SHISA9: variants seen among roughly 807,000 people sequenced by gnomAD.
The protein encoded by SHISA9 is shisa family member 9, also known as protein shisa-9.
SHISA9 carries 13 observed loss-of-function variants against 38.0 expected under a neutral mutation model. That is an observed-to-expected ratio of 0.34 (90% confidence interval 0.22 to 0.54). The LOEUF is 0.54. SHISA9 is among the 20% of genes least tolerant of loss of function. SHISA9 has a pLI of 0.91. For missense variants in SHISA9, 538 were observed against 575.8 expected, an observed-to-expected ratio of 0.93 and a Z score of 0.67; for synonymous variants, 275 against 242.0, an observed-to-expected ratio of 1.14 and a Z score of -1.27.
chr16:13,170,216 A>G (rs865827665), intron 2 of SHISA9, among the ~76,000 whole-genome samples: 25 of 151,896 alleles, frequency 1.6e-4, no homozygotes, highest in East Asian at 1.9e-4. Context: ...AAAAAAAAAA[A>G]AAAAGAAAAG....
intron 2 of SHISA9, among the ~76,000 whole-genome samples, chr16:12,970,479 A>ATATACACATATATGTGTG (rs2072061029): frequency 5.1e-5 from 1 of 19,464 alleles, no homozygotes; most frequent in African/African-American, 1.9e-4. Context: ...GTATATATAT[A>ATATACACATATATGTGTG]TATATATATA....
chr16:13,371,487 G>C, the SHISA9 span, among the ~76,000 whole-genome samples: 1 of 152,160 alleles, frequency 6.6e-6, no homozygotes, highest in African/African-American at 2.4e-5. Context: ...GATGTGGGGT[G>C]GAGCCACTGA....
the SHISA9 span, among the ~76,000 whole-genome samples, chr16:13,481,999 T>C: frequency 1.3e-5 from 2 of 152,194 alleles, no homozygotes; most frequent in African/African-American, 4.8e-5. Context: ...TTTACATGCA[T>C]TCCTTCCTCC....
intron 2 of SHISA9, among the ~76,000 whole-genome samples, chr16:13,002,627 G>A (rs2072540105): frequency 6.6e-6 from 1 of 150,710 alleles, no homozygotes; most frequent in Non-Finnish European, 1.5e-5. Context: ...CCACCCCCTG[G>A]GCTCAAGCAA....
intron 1 of SHISA9, among the ~76,000 whole-genome samples, chr16:12,915,546 G>A (rs2071242548): frequency 6.6e-6 from 1 of 152,226 alleles, no homozygotes; most frequent in Non-Finnish European, 1.5e-5. Flanking sequence ...GGGGCTGATA[G>A]TCTGCTGGTT....
chr16:13,340,430 T>C, the SHISA9 span, among the ~76,000 whole-genome samples: 1 of 151,930 alleles, frequency 6.6e-6, no homozygotes, highest in South Asian at 2.1e-4. Context: ...TTCATCTGTT[T>C]TGAAAACTCC....
chr16:12,999,194 A>G (rs1379711566), intron 2 of SHISA9, among the ~76,000 whole-genome samples: 1 of 152,200 alleles, frequency 6.6e-6, no homozygotes, highest in Non-Finnish European at 1.5e-5. Flanking sequence ...TAGACTAGAC[A>G]GCTCTGCAGC....
chr16:13,420,798 C>G, the SHISA9 span, among the ~76,000 whole-genome samples: 2 of 152,162 alleles, frequency 1.3e-5, no homozygotes, highest in Non-Finnish European at 2.9e-5. Context: ...CACATTTCTT[C>G]TGCAGTGTCA....
chr16:12,940,022 A>C (rs1377662370), intron 2 of SHISA9, among the ~76,000 whole-genome samples: 1 of 152,050 alleles, frequency 6.6e-6, no homozygotes, highest in African/African-American at 2.4e-5. Flanking sequence ...ACGAATTCTT[A>C]CTCTGTAGGC....
At chr16:13,043,196 G>C (rs544818442) in intron 2 of SHISA9, among the ~76,000 whole-genome samples, 2 of 152,124 alleles carry the variant, frequency 1.3e-5, no homozygotes, top group African/African-American at 4.8e-5. Flanking sequence ...AGTAAGTGGT[G>C]GGGGGAATGG....
rs376989273 is a variant in SHISA9, at chr16:13,107,237, G to C, written c.692-96157G>C. Among the ~76,000 whole-genome samples the C allele has an allele frequency of 4.7e-4, 71 of 152,104 alleles. 1 individual carries two copies. Among genetic ancestry groups the C allele is most frequent in the South Asian group, 1.9e-3 (9 of 4,804 alleles). On this transcript the variant is annotated intron_variant, in intron 2 of 4. Coordinates refer to ENST00000558583, the MANE Select transcript of SHISA9 (RefSeq NM_001145204.3). ...ACCTGAGGTCAGTAGTTCAAGACCA[G>C]CCTGGCCAACATGGTGAAATCCCAT...
chr16:13,134,396 T>G (rs1319721180), intron 2 of SHISA9, among the ~76,000 whole-genome samples: 2 of 152,154 alleles, frequency 1.3e-5, no homozygotes, highest in Non-Finnish European at 2.9e-5. Flanking sequence ...CCTGACAATG[T>G]GCAAGGGACT....
chr16:13,434,498 A>T, the SHISA9 span, among the ~76,000 whole-genome samples: 4 of 147,004 alleles, frequency 2.7e-5, no homozygotes, highest in African/African-American at 1.0e-4. Flanking sequence ...GCTCACTGCA[A>T]GCTCCGCCTC....
At chr16:13,251,719 A>G in the SHISA9 span, among the ~76,000 whole-genome samples, 1 of 152,194 alleles carries the variant, frequency 6.6e-6, no homozygotes, top group East Asian at 1.9e-4. Flanking sequence ...CCTTTTCTTT[A>G]GGATACTTTC....
intron 2 of SHISA9, among the ~76,000 whole-genome samples, chr16:13,034,403 A>G (rs932849760): frequency 6.6e-6 from 1 of 152,166 alleles, no homozygotes; most frequent in Admixed American, 6.5e-5. Context: ...ACACCTTATG[A>G]AAGTCAGGTC....
the SHISA9 span, among the ~76,000 whole-genome samples, chr16:13,499,515 A>G: frequency 6.6e-6 from 1 of 152,238 alleles, no homozygotes; most frequent in Non-Finnish European, 1.5e-5. Context: ...AAAGCACTTC[A>G]AAAAGCCAGC....
At chr16:13,485,713 C>A in the SHISA9 span, among the ~76,000 whole-genome samples, 1 of 152,102 alleles carries the variant, frequency 6.6e-6, no homozygotes, top group African/African-American at 2.4e-5. Context: ...ACTCTAATTT[C>A]CCTTTGTGCT....
the SHISA9 span, among the ~76,000 whole-genome samples, chr16:13,543,434 T>C: frequency 1.3e-5 from 2 of 152,182 alleles, no homozygotes; most frequent in Non-Finnish European, 2.9e-5. Flanking sequence ...TGATGTCAGT[T>C]CATTATGATA....
the SHISA9 span, among the ~76,000 whole-genome samples, chr16:13,468,510 T>C: frequency 6.6e-6 from 1 of 152,240 alleles, no homozygotes; most frequent in African/African-American, 2.4e-5. Flanking sequence ...ATATAATACT[T>C]CCATACTTTC....
Sources: gnomAD v4.1 joint callset for allele counts (sites outside exome capture counted in the v4.1 genomes callset) on GRCh38, gnomAD v4.1.1 for gene constraint, MANE v1.5 for transcripts, NCBI Gene and HGNC (gene_info 2026-07-23, HGNC 2026-07-21) for gene names.